TMEM132C: variants seen among roughly 807,000 people sequenced by gnomAD.
The protein encoded by TMEM132C is transmembrane protein 132C.
TMEM132C carries 29 observed loss-of-function variants against 61.4 expected under a neutral mutation model. That is an observed-to-expected ratio of 0.47 (90% confidence interval 0.35 to 0.64). The LOEUF (loss-of-function observed/expected upper bound fraction) is 0.64. TMEM132C is among the 30% of genes least tolerant of loss of function. TMEM132C has a pLI of 0.00. For missense variants in TMEM132C, 1,408 were observed against 1,476.9 expected (o/e 0.95, Z 0.76); for synonymous variants, 656 against 633.1 (o/e 1.04, Z -0.54).
intron 3 of TMEM132C, among the ~76,000 whole-genome samples, chr12:128,586,078 G>T (rs1875536631): frequency 6.6e-6 from 1 of 152,082 alleles, no homozygotes; most frequent in Non-Finnish European, 1.5e-5. Flanking sequence ...CAATGCAAAA[G>T]AACAAATAAA....
chr12:128,441,644 T>A (rs1869790667), intron 2 of TMEM132C, among the ~76,000 whole-genome samples: 1 of 152,158 alleles, frequency 6.6e-6, no homozygotes, highest in Non-Finnish European at 1.5e-5. Context: ...ACTAGACATT[T>A]GGTGACAGTG....
At chr12:128,455,729 C>T (rs1167429894) in intron 2 of TMEM132C, among the ~76,000 whole-genome samples, 1 of 152,168 alleles carries the variant, frequency 6.6e-6, no homozygotes, top group Non-Finnish European at 1.5e-5. Flanking sequence ...AGGTTGTGCA[C>T]TCCCAGCCCT....
At chr12:128,363,267 C>T (rs1482992678) in intron 1 of TMEM132C, among the ~76,000 whole-genome samples, 1 of 152,224 alleles carries the variant, frequency 6.6e-6, no homozygotes, top group African/African-American at 2.4e-5. Context: ...ATAACTGTCA[C>T]TTTTCAAAAG....
At chr12:128,672,643 A>T (rs6486711) in intron 5 of TMEM132C, among the ~76,000 whole-genome samples, 2 of 152,066 alleles carry the variant, frequency 1.3e-5, no homozygotes, top group Admixed American at 1.3e-4. Context: ...TGAGGACATC[A>T]GAGCAGGCAG....
intron 2 of TMEM132C, among the ~76,000 whole-genome samples, chr12:128,462,101 GT>G (rs75023022): frequency 4.1e-4 from 45 of 110,306 alleles, no homozygotes; most frequent in African/African-American, 1.3e-3. Flanking sequence ...TTATTTGTTT[GT>G]TTTGTTTTGT....
intron 3 of TMEM132C, among the ~76,000 whole-genome samples, chr12:128,547,929 C>A (rs1021300206): frequency 1.3e-5 from 2 of 152,210 alleles, no homozygotes; most frequent in Non-Finnish European, 2.9e-5. Flanking sequence ...TAAACAAGCA[C>A]AGCTTCAGAG....
chr12:128,590,521 A>G (rs1306908808), intron 3 of TMEM132C, among the ~76,000 whole-genome samples: 1 of 152,228 alleles, frequency 6.6e-6, no homozygotes, highest in African/African-American at 2.4e-5. Context: ...GTCAAGGTCC[A>G]GGTTCCCAAC....
intron 1 of TMEM132C, among the ~76,000 whole-genome samples, chr12:128,342,033 G>GA (rs1424872088): frequency 6.6e-6 from 1 of 151,002 alleles, no homozygotes; most frequent in Non-Finnish European, 1.5e-5. Flanking sequence ...CTTTGAGATG[G>GA]AGTCTCGCTC....
intron 2 of TMEM132C, among the ~76,000 whole-genome samples, chr12:128,440,331 T>C (rs756264910): frequency 2.0e-5 from 3 of 152,234 alleles, no homozygotes; most frequent in Non-Finnish European, 4.4e-5. Context: ...GAATCCACTC[T>C]AGCTGGGTTA....
chr12:128,397,515 A>C (rs531788695), intron 1 of TMEM132C, among the ~76,000 whole-genome samples: 1 of 152,126 alleles, frequency 6.6e-6, no homozygotes, highest in Admixed American at 6.5e-5. Flanking sequence ...GAAACTTACA[A>C]ACCACCATAA....
In TMEM132C at chr12:128,415,049, A is replaced by G. The variant is rs1307987063; in HGVS notation, c.403A>G (p.Ile135Val). 3 of 1,585,584 alleles carry G rather than the reference A, an allele frequency of 1.9e-6. No individual in the cohort carries two copies. Among genetic ancestry groups the G allele is most frequent in the Non-Finnish European group, 1.7e-6 (2 of 1,165,688 alleles). The stretch of plus-strand genomic sequence containing the variant: ...TTTTGATTGGAAACTAAAAGCCCAC[A>G]TCCTGCGGGACAAAGTCTACCTGAG... ...FSFDWKLKAH[I>V]LRDKVYLSRP... The change falls in exon 2 of 9, where the codon ATC (isoleucine) becomes GTC (valine). Residue 135 changes from isoleucine (I) to valine (V), a missense_variant. By Grantham distance (29) the Ile-to-Val change is conservative. Transcript: ENST00000435159. The surrounding 1 kb of genome is among the most constrained non-coding windows in gnomAD (Gnocchi z 5.8).
intron 4 of TMEM132C, among the ~76,000 whole-genome samples, chr12:128,629,863 G>A (rs1239534283): frequency 1.3e-5 from 2 of 151,650 alleles, no homozygotes; most frequent in East Asian, 3.9e-4. Flanking sequence ...CTACTCGGGA[G>A]ACTGAGGCAG....
chr12:128,611,421 GA>G (rs1876630117), intron 3 of TMEM132C, among the ~76,000 whole-genome samples: 1 of 151,852 alleles, frequency 6.6e-6, no homozygotes, highest in Non-Finnish European at 1.5e-5. Flanking sequence ...GCCTAATGTT[GA>G]CAACACATCT....
At chr12:128,479,138 C>G (rs1205154507) in intron 2 of TMEM132C, among the ~76,000 whole-genome samples, 3 of 152,164 alleles carry the variant, frequency 2.0e-5, no homozygotes, top group Admixed American at 1.3e-4. Context: ...ACTGCATGTT[C>G]TCACTTATAA....
chr12:128,378,708 G>A (rs1713618), intron 1 of TMEM132C, among the ~76,000 whole-genome samples: 8 of 151,998 alleles, frequency 5.3e-5, no homozygotes, highest in African/African-American at 1.5e-4. Flanking sequence ...AAAAGATGAC[G>A]GGGCTCTCCT....
chr12:128,529,215 C>T (rs1343634377), intron 2 of TMEM132C, among the ~76,000 whole-genome samples: 1 of 151,728 alleles, frequency 6.6e-6, no homozygotes, highest in African/African-American at 2.4e-5. Context: ...AGGTGGACTC[C>T]ATCAGGACTC....
At chr12:128,573,044 C>T (rs557073997) in intron 3 of TMEM132C, among the ~76,000 whole-genome samples, 59 of 152,284 alleles carry the variant, frequency 3.9e-4, no homozygotes, top group Non-Finnish European at 5.7e-4. Flanking sequence ...GACAGTGTGG[C>T]GATTCCTCAA....
At chr12:128,302,415 A>G (rs1349572736) in intron 1 of TMEM132C, among the ~76,000 whole-genome samples, 1 of 152,070 alleles carries the variant, frequency 6.6e-6, no homozygotes, top group African/African-American at 2.4e-5. Flanking sequence ...CCTGATTCCT[A>G]CTCCTCATGT....
At chr12:128,455,727 C>A (rs1409794886) in intron 2 of TMEM132C, among the ~76,000 whole-genome samples, 1 of 152,140 alleles carries the variant, frequency 6.6e-6, no homozygotes, top group Admixed American at 6.5e-5. Context: ...ACAGGTTGTG[C>A]ACTCCCAGCC....
Sources: gnomAD v4.1 joint callset for allele counts (sites outside exome capture counted in the v4.1 genomes callset) on GRCh38, gnomAD v4.1.1 for gene constraint, Gnocchi (gnomAD v3.1) non-coding constraint, MANE v1.5 for transcripts, NCBI Gene and HGNC (gene_info 2026-07-23, HGNC 2026-07-21) for gene names.